PRKN: variants seen among roughly 807,000 people sequenced by gnomAD.
PRKN encodes the protein E3 ubiquitin-protein ligase parkin.
PRKN carries 56 observed loss-of-function variants against 59.5 expected under a neutral mutation model. That is an observed-to-expected ratio of 0.94 (90% CI 0.76 to 1.18). The LOEUF (loss-of-function observed/expected upper bound fraction) is 1.18. PRKN is among the 50% of genes most tolerant of loss of function. PRKN has a pLI of 0.00. For synonymous variants in PRKN, 250 were observed against 222.1 expected, an observed-to-expected ratio of 1.13 and a Z score of -1.12; for missense variants, 657 against 596.4, an observed-to-expected ratio of 1.10 and a Z score of -1.06.
chr6:161,487,577 A>C lies in PRKN; in HGVS notation c.1083+61277T>G. Among the ~76,000 whole-genome samples the C allele has an allele frequency of 6.6e-6, 1 of 152,236 alleles. No individual in the cohort carries two copies. Among genetic ancestry groups the C allele is most frequent in the Non-Finnish European group, 1.5e-5 (1 of 68,040 alleles). On this transcript the variant is annotated intron_variant, in intron 9 of 11. Transcript: ENST00000366898. This position sits in a 1 kb window ranked among gnomAD's most constrained non-coding sequence, Gnocchi z 5.3. ...TTCACATTTTGATGGTCGCTTAGGT[A>C]AACTAAGATCTATTTTAGACTTGCA...
At chr6:162,383,948 T>C (rs1023250777) in intron 2 of PRKN, among the ~76,000 whole-genome samples, 1 of 152,224 alleles carries the variant, frequency 6.6e-6, no homozygotes, top group South Asian at 2.1e-4. Context: ...CAAATGTTTC[T>C]TGTGCATCTT....
chr6:161,727,122 G>A (rs568925419), intron 7 of PRKN, among the ~76,000 whole-genome samples: 4 of 152,276 alleles, frequency 2.6e-5, no homozygotes, highest in East Asian at 3.9e-4. Flanking sequence ...CAAGGGTGGC[G>A]ATGGGCTCCA....
intron 5 of PRKN, among the ~76,000 whole-genome samples, chr6:162,037,221 G>A (rs1020210934): frequency 3.3e-5 from 5 of 152,164 alleles, no homozygotes; most frequent in Non-Finnish European, 7.3e-5. Context: ...GATCACTAAT[G>A]TGCTGTTTTT....
chr6:161,794,551 G>A lies in PRKN; in HGVS notation c.735-8643C>T, dbSNP rs191565525. On this transcript the variant is annotated intron_variant, in intron 6 of 11. Transcript: ENST00000366898. ...TGGCCCCAAAATATGAACTAGTTTC[G>A]CAGTGCCCATGTATTAAGGCCTCAG... 1.6e-4 allele frequency among the ~76,000 whole-genome samples: 25 copies of A among 152,186 alleles called. No individual in the cohort carries two copies. In the East Asian group the frequency reaches 4.1e-3, roughly 25 times the overall value.
At chr6:162,267,461 G>T (rs1222996414) in intron 2 of PRKN, among the ~76,000 whole-genome samples, 1 of 152,164 alleles carries the variant, frequency 6.6e-6, no homozygotes, top group Non-Finnish European at 1.5e-5. Flanking sequence ...GAGATTTTCG[G>T]TGGGAAGACA....
intron 7 of PRKN, among the ~76,000 whole-genome samples, chr6:161,632,416 C>T (rs1200931788): frequency 1.3e-5 from 2 of 152,114 alleles, no homozygotes; most frequent in Admixed American, 1.3e-4. Flanking sequence ...GTTATCTAGT[C>T]TTTTACTTAA....
At chr6:162,206,477 G>A (rs925846274) in intron 3 of PRKN, among the ~76,000 whole-genome samples, 1 of 152,110 alleles carries the variant, frequency 6.6e-6, no homozygotes, top group African/African-American at 2.4e-5. Flanking sequence ...GGCTATTGGT[G>A]GTTTCAGCTC....
Position 162,500,463 on chromosome 6 carries a change from C to T in PRKN, c.8-56990G>A, listed in dbSNP as rs931300703. Among the ~76,000 whole-genome samples, 8 of 152,188 alleles carry T rather than the reference C, an allele frequency of 5.3e-5. 1 individual carries two copies. Among genetic ancestry groups the T allele is most frequent in the East Asian group, 1.9e-4 (1 of 5,186 alleles). On this transcript the variant is annotated intron_variant, in intron 1 of 11. Coordinates refer to ENST00000366898, the MANE Select transcript of PRKN (RefSeq NM_004562.3). ...CTGGGATTACAGGCGTGAGCCACTGCGCCCGGCCCAAACAGCCATTCTTAC... is the reference window on the plus strand; with the variant it reads ...CTGGGATTACAGGCGTGAGCCACTGTGCCCGGCCCAAACAGCCATTCTTAC...
intron 2 of PRKN, among the ~76,000 whole-genome samples, chr6:162,321,037 T>A (rs970281284): frequency 6.6e-6 from 1 of 151,570 alleles, no homozygotes; most frequent in Non-Finnish European, 1.5e-5. Flanking sequence ...AGGTGAAAAA[T>A]CACTGGTTGA....
chr6:161,994,979 C>A (rs1229027518), intron 5 of PRKN, among the ~76,000 whole-genome samples: 1 of 150,570 alleles, frequency 6.6e-6, no homozygotes, highest in Non-Finnish European at 1.5e-5. Flanking sequence ...CCCTGAGTAG[C>A]CAAAGCAATC....
intron 7 of PRKN, among the ~76,000 whole-genome samples, chr6:161,688,313 G>A (rs1401246750): frequency 1.3e-5 from 2 of 152,190 alleles, no homozygotes; most frequent in Non-Finnish European, 2.9e-5. Context: ...GCAGCATAGT[G>A]ACTTTCTCCT....
intron 2 of PRKN, among the ~76,000 whole-genome samples, chr6:162,402,643 T>C (rs1326692327): frequency 1.4e-5 from 2 of 145,696 alleles, no homozygotes; most frequent in Non-Finnish European, 3.0e-5. Context: ...CATATATATA[T>C]ATATTTCTTT....
At chr6:162,657,933 T>C (rs1322263876) in intron 1 of PRKN, among the ~76,000 whole-genome samples, 4 of 152,180 alleles carry the variant, frequency 2.6e-5, no homozygotes, top group African/African-American at 9.7e-5. Flanking sequence ...CAGAGGATTA[T>C]AGGAAGAAGA....
chr6:162,643,480 T>C (rs1204214753), intron 1 of PRKN, among the ~76,000 whole-genome samples: 1 of 151,886 alleles, frequency 6.6e-6, no homozygotes, highest in Non-Finnish European at 1.5e-5. Flanking sequence ...TGTCACATTT[T>C]AAATTTACCT....
rs181730736 is a variant in PRKN at position 161,684,360 on chromosome 6, G to A, written c.871+101412C>T. On this transcript the variant is annotated intron_variant, in intron 7 of 11. Coordinates refer to ENST00000366898, the MANE Select transcript of PRKN (RefSeq NM_004562.3). The stretch of plus-strand genomic sequence containing the variant: ...GCCTCTCAAAGTGCTGGGATTACAC[G>A]TGTGAGTTACCCACCGTGCCCAATC... 3.0e-4 allele frequency among the ~76,000 whole-genome samples: 46 copies of A among 152,136 alleles called. No homozygotes were observed. The East Asian group carries it at 3.5e-3, about 12-fold the overall frequency.
intron 9 of PRKN, among the ~76,000 whole-genome samples, chr6:161,535,198 A>T (rs1779367477): frequency 6.6e-6 from 1 of 152,226 alleles, no homozygotes; most frequent in Non-Finnish European, 1.5e-5. Context: ...ACAACTTCAG[A>T]AGGTTATTGT....
intron 4 of PRKN, among the ~76,000 whole-genome samples, chr6:162,094,547 C>T (rs1474689826): frequency 6.6e-6 from 1 of 151,956 alleles, no homozygotes; most frequent in Non-Finnish European, 1.5e-5. Flanking sequence ...AAAGGCAAGG[C>T]TATGTTGGGA....
At chr6:161,749,092 G>A (rs918289282) in intron 7 of PRKN, among the ~76,000 whole-genome samples, 8 of 152,178 alleles carry the variant, frequency 5.3e-5, no homozygotes, top group Non-Finnish European at 7.3e-5. Context: ...CTATAGTAAG[G>A]ATTCAGGGCC....
At chr6:161,624,356 C>T (rs577406837) in intron 7 of PRKN, among the ~76,000 whole-genome samples, 2 of 152,328 alleles carry the variant, frequency 1.3e-5, no homozygotes, top group African/African-American at 4.8e-5. Context: ...ATAACCAAAG[C>T]AAGAATCCCT....
Sources: allele counts gnomAD v4.1 joint callset (sites outside exome capture counted in the v4.1 genomes callset), GRCh38; gene constraint gnomAD v4.1.1; non-coding constraint Gnocchi (gnomAD v3.1); transcripts MANE v1.5; gene names NCBI Gene and HGNC (gene_info 2026-07-23, HGNC 2026-07-21).